Variants in HGFAC observed in about 807,000 individuals in gnomAD.
The protein encoded by HGFAC is HGF activator.
HGFAC carries 76 observed loss-of-function variants against 70.6 expected under a neutral mutation model. The observed-to-expected ratio is 1.08, with a 90% CI of 0.89 to 1.30. The LOEUF (loss-of-function observed/expected upper bound fraction) is 1.30. Among genes scored for constraint, HGFAC ranks in the 50% most tolerant of loss-of-function variants. HGFAC has a pLI of 0.00. For missense variants in HGFAC, 1,044 were observed against 933.7 expected, an observed-to-expected ratio of 1.12 and a Z score of -1.54; for synonymous variants, 464 against 405.3, an observed-to-expected ratio of 1.14 and a Z score of -1.74.
chr4:3,444,641 G>GCCTGAACGGGGGCACCTGCCA lies in HGFAC; in HGVS notation c.755_775dup (p.Asn252_Leu258dup). 6.3e-7 allele frequency: 1 copy of GCCTGAACGGGGGCACCTGCCA among 1,596,798 alleles called. No homozygotes were observed. Among genetic ancestry groups the GCCTGAACGGGGGCACCTGCCA allele is most frequent in the Non-Finnish European group, 8.5e-7 (1 of 1,177,672 alleles). On this transcript the variant is annotated inframe_insertion, in exon 7 of 14. Coordinates refer to ENST00000382774, the MANE Select transcript of HGFAC (RefSeq NM_001528.4). ...CCCCCAGCTTGTCTGAGCAGCCCTT[G>GCCTGAACGGGGGCACCTGCCA]CCTGAACGGGGGCACCTGCCACCTG...
At chr4:3,442,236 C>G in intron 1 of HGFAC, 118 bp downstream of exon 1, 1 of 737,886 alleles carries the variant, frequency 1.4e-6, no homozygotes, top group Non-Finnish European at 2.2e-6. Context: ...GGCGGGGGTC[C>G]GAGCAGGGGG....
intron 13 of HGFAC, 119 bp downstream of exon 13, chr4:3,448,395 A>T (rs1477658075): frequency 4.0e-6 from 5 of 1,239,450 alleles, no homozygotes; most frequent in Non-Finnish European, 4.4e-6. Flanking sequence ...TGGCAGGGCC[A>T]GCCAGGGACC....
At position 3,447,616 on chromosome 4, in the gene HGFAC, A is replaced by C; in HGVS notation, c.1480A>C (p.Ser494Arg). The change falls in exon 11 of 14, where the codon AGC (serine) becomes CGC (arginine). Residue 494 changes from serine (S) to arginine (R), a missense_variant. Physicochemically the swap from Ser to Arg is moderately radical, Grantham distance 110. Transcript: ENST00000382774. The stretch of plus-strand genomic sequence containing the variant: ...CACCCTGTACTCGGTGTTCAACCCC[A>C]GCGACCACGACCTCGGTGAGCTCCG... ...PYTLYSVFNPSDHDLVLIRLK... is the reference protein window; with the variant it reads ...PYTLYSVFNPRDHDLVLIRLK... 6.2e-7 allele frequency: 1 copy of C among 1,612,610 alleles called. No homozygotes were observed. The highest frequency in any genetic ancestry group is 8.5e-7 in the Non-Finnish European group (1 of 1,179,866).
chr4:3,445,047 T>C, intron 8 of HGFAC, 54 bp downstream of exon 8: 2 of 1,484,766 alleles, frequency 1.3e-6, no homozygotes, highest in Non-Finnish European at 1.8e-6. Flanking sequence ...GGATTTGTCC[T>C]GGGGAGAGGC....
chr4:3,444,518 C>T (rs1487833444), intron 6 of HGFAC, 76 bp downstream of exon 6: 7 of 1,513,304 alleles, frequency 4.6e-6, no homozygotes, highest in Non-Finnish European at 6.2e-6. Context: ...GAGGAATGGC[C>T]TGAGGTCACC....
In HGFAC at chr4:3,446,287, T is replaced by C. The variant is rs1279348912; in HGVS notation, c.1348T>C (p.Ser450Pro). Reference protein sequence around the residue: ...CWVVSAAHCFSHSPPRDSVSV... With the variant: ...CWVVSAAHCFPHSPPRDSVSV... ...GGTGGTGTCGGCCGCCCACTGCTTCTCCCACAGGTGCACCTCCTCTGGGCC... is the reference window on the plus strand; with the variant it reads ...GGTGGTGTCGGCCGCCCACTGCTTCCCCCACAGGTGCACCTCCTCTGGGCC... Residue 450 changes from serine (S) to proline (P), a missense_variant, in exon 10 of 14, where the codon TCC becomes CCC. Ser to Pro is a moderately conservative substitution (Grantham distance 74). Transcript: ENST00000382774. 2 of 1,605,674 alleles carry C rather than the reference T, an allele frequency of 1.2e-6. No homozygotes were observed. Among genetic ancestry groups the C allele is most frequent in the Non-Finnish European group, 1.7e-6 (2 of 1,177,228 alleles).
chr4:3,447,749 G>A, intron 11 of HGFAC, 118 bp downstream of exon 11: 1 of 1,535,226 alleles, frequency 6.5e-7, no homozygotes, highest in African/African-American at 1.4e-5. Flanking sequence ...CTGGGGGCAG[G>A]GCAGGGAGGA....
intron 8 of HGFAC, 104 bp from the exon 9 acceptor site, chr4:3,445,154 CCACTGCT>C: frequency 7.7e-7 from 1 of 1,291,734 alleles, no homozygotes; most frequent in South Asian, 1.3e-5. Context: ...CACTCTCTTC[CCACTGCT>C]CCAGGTGCGG....
Position 3,446,022 on chromosome 4 carries a change from C to T in HGFAC, c.1103-20C>T, listed in dbSNP as rs371299181. 28 of 1,605,528 alleles carry T rather than the reference C, an allele frequency of 1.7e-5. No individual in the cohort carries two copies. In the African/African-American group the frequency reaches 3.5e-4, roughly 20 times the overall value. ...GCCCTGTGAACCCCAGGGGTGTGAC[C>T]CGGTGACCTTTGCTCCCAGAATCCC... On this transcript the variant is annotated intron_variant, in intron 9 of 13. Transcript: ENST00000382774.
chr4:3,441,631 A>G (rs560417744), upstream of HGFAC, among the ~76,000 whole-genome samples: 4 of 152,336 alleles, frequency 2.6e-5, no homozygotes, highest in African/African-American at 9.6e-5. This position sits in a 1 kb window ranked among gnomAD's most constrained non-coding sequence, Gnocchi z 6.0. Flanking sequence ...GACAATTCAC[A>G]GGCAGATGGT....
rs1725545480 is a variant in HGFAC, at chr4:3,447,382, A to G, written c.1356-110A>G. 4 of 1,264,096 alleles carry G rather than the reference A, an allele frequency of 3.2e-6. No homozygotes were observed. In the South Asian group the frequency reaches 4.0e-5, roughly 13 times the overall value. 78.3% of individuals were successfully genotyped at this position (1,264,096 alleles called of 1,614,324 possible). A position where few individuals can be genotyped will look rare whatever the true frequency, so the allele number is the denominator to read the frequency against. On this transcript the variant is annotated intron_variant, in intron 10 of 13. Transcript: ENST00000382774. ...GCACCTGCTCAGACCCCTCCCCGGGACCAGGGTCCCACACCATTGGCCTCC... is the reference window on the plus strand; with the variant it reads ...GCACCTGCTCAGACCCCTCCCCGGGGCCAGGGTCCCACACCATTGGCCTCC...
rs372490746 is a variant in HGFAC at position 3,448,230 on chromosome 4, A to G, written c.1739A>G (p.Asn580Ser). 2 of 1,608,868 alleles carry G rather than the reference A, an allele frequency of 1.2e-6. No individual in the cohort carries two copies. The highest frequency in any genetic ancestry group is 1.3e-5 in the African/African-American group (1 of 74,814). ...PEVYGADISPNMLCAGYFDCK... is the reference protein window; with the variant it reads ...PEVYGADISPSMLCAGYFDCK... ...GTCTACGGCGCCGACATCAGCCCCA[A>G]CATGCTCTGTGCCGGCTACTTCGAC... Residue 580 changes from asparagine (N) to serine (S), a missense_variant, in exon 13 of 14, where the codon AAC (asparagine) becomes AGC (serine). Coordinates refer to ENST00000382774, the MANE Select transcript of HGFAC (RefSeq NM_001528.4).
Position 3,447,551 on chromosome 4 carries a change from A to T in HGFAC, c.1415A>T (p.Asp472Val). 1 of 1,612,624 alleles carries T rather than the reference A, an allele frequency of 6.2e-7. No homozygotes were observed. The highest frequency in any genetic ancestry group is 8.5e-7 in the Non-Finnish European group (1 of 1,179,888). Residue 472 changes from aspartate to valine, a missense_variant, in exon 11 of 14, where the codon GAC becomes GTC. Coordinates refer to ENST00000382774, the MANE Select transcript of HGFAC (RefSeq NM_001528.4). Reference protein sequence around the residue: ...LGQHFFNRTTDVTQTFGIEKY... With the variant: ...LGQHFFNRTTVVTQTFGIEKY... ...CAGCACTTCTTCAACCGCACGACGG[A>T]CGTGACGCAGACCTTCGGCATCGAG...
intron 10 of HGFAC, 82 bp from the exon 11 acceptor site, chr4:3,447,409 TG>T: frequency 1.3e-6 from 2 of 1,526,438 alleles, no homozygotes; most frequent in African/African-American, 2.7e-5. Flanking sequence ...TTGGCCTCCG[TG>T]GGCCTGACAG....
intron 11 of HGFAC, 62 bp from the exon 12 acceptor site, chr4:3,447,833 C>A: frequency 6.3e-7 from 1 of 1,582,924 alleles, no homozygotes; most frequent in South Asian, 1.1e-5. Context: ...CCACCACGGG[C>A]CCCGACAGCC....
At chr4:3,446,369 C>T in intron 10 of HGFAC, 75 bp downstream of exon 10, 1 of 1,511,898 alleles carries the variant, frequency 6.6e-7, no homozygotes, top group South Asian at 1.3e-5. Flanking sequence ...CGCCTGTCCC[C>T]ACCCGCTTGC....
Position 3,442,792 on chromosome 4 carries a change from G to A in HGFAC, c.178G>A (p.Val60Met). ...TATPAIPTIL[V>M]TSVTSETPAT... ...GACCCCTGCGATCCCCACTATCCTGGTGACCTCTGTGACCTCTGAGACCCC... is the reference window on the plus strand; with the variant it reads ...GACCCCTGCGATCCCCACTATCCTGATGACCTCTGTGACCTCTGAGACCCC... Residue 60 changes from valine to methionine, a missense_variant, in exon 2 of 14, where the codon GTG becomes ATG. Coordinates refer to ENST00000382774, the MANE Select transcript of HGFAC (RefSeq NM_001528.4). 6.3e-7 allele frequency: 1 copy of A among 1,579,414 alleles called. No homozygotes were observed. Among genetic ancestry groups the A allele is most frequent in the Non-Finnish European group, 8.6e-7 (1 of 1,165,570 alleles).
At chr4:3,445,055 G>A in intron 8 of HGFAC, 62 bp downstream of exon 8, 1 of 1,464,670 alleles carries the variant, frequency 6.8e-7, no homozygotes, top group African/African-American at 1.4e-5. Flanking sequence ...CCTGGGGAGA[G>A]GCCCCCCGGC....
intron 12 of HGFAC, 35 bp from the exon 13 acceptor site, chr4:3,448,093 T>C: frequency 6.4e-7 from 1 of 1,567,534 alleles, no homozygotes; most frequent in South Asian, 1.2e-5. Context: ...CCAGCCACAG[T>C]GTGGGTGTCA....
Sources: allele counts gnomAD v4.1 joint callset (sites outside exome capture counted in the v4.1 genomes callset), GRCh38; gene constraint gnomAD v4.1.1; non-coding constraint Gnocchi (gnomAD v3.1); transcripts MANE v1.5; gene names NCBI Gene and HGNC (gene_info 2026-07-23, HGNC 2026-07-21).